The following CAMTA1 variants were observed in gnomAD, a reference collection of about 807,000 sequenced individuals.
CAMTA1 encodes calmodulin binding transcription activator 1.
CAMTA1 carries 27 observed loss-of-function variants against 170.9 expected under a neutral mutation model. That is an observed-to-expected ratio of 0.16 (90% confidence interval 0.12 to 0.22). The LOEUF (loss-of-function observed/expected upper bound fraction) is 0.22. Among genes scored for constraint, CAMTA1 ranks in the 10% least tolerant of loss-of-function variants. The probability of loss-of-function intolerance (pLI) is 1.00; values close to 1 mark genes in which losing one functional copy is unlikely to be tolerated. For synonymous variants in CAMTA1, 833 were observed against 891.5 expected (o/e 0.93, Z 1.17); for missense variants, 1,619 against 2,217.2 (o/e 0.73, Z 5.42).
In CAMTA1 at chr1:7,203,287, G is replaced by C. The variant is rs766088976; in HGVS notation, c.303-46204G>C. ...AGGATTTTTTTATCCATACCCATAA[G>C]AGATATTGGTGAATAATTTTCTTAT... On this transcript the variant is annotated intron_variant, in intron 4 of 22. Transcript: ENST00000303635. 8.3e-4 allele frequency among the ~76,000 whole-genome samples: 126 copies of C among 152,234 alleles called. No homozygotes were observed. In the Middle Eastern group the frequency reaches 0.014, roughly 16 times the overall value.
rs887969551 is a variant in CAMTA1 at position 7,090,813 on chromosome 1, G to A, written c.235-491G>A. 6.6e-5 allele frequency among the ~76,000 whole-genome samples: 10 copies of A among 152,212 alleles called. 1 individual carries two copies. Among genetic ancestry groups the A allele is most frequent in the East Asian group, 5.8e-4 (3 of 5,190 alleles). On this transcript the variant is annotated intron_variant, in intron 3 of 22. Transcript: ENST00000303635. ...TTCCTCTCTGGAATATGGCTTTATC[G>A]TGTCTTTTCTTTTTAATCTTTGTGT...
Position 7,216,807 on chromosome 1 carries a change from T to C in CAMTA1, c.303-32684T>C, listed in dbSNP as rs1269587852. 1.3e-5 allele frequency among the ~76,000 whole-genome samples: 2 copies of C among 152,194 alleles called. No homozygotes were observed. Among genetic ancestry groups the C allele is most frequent in the Admixed American group, 1.3e-4 (2 of 15,282 alleles). On this transcript the variant is annotated intron_variant, in intron 4 of 22. Coordinates refer to ENST00000303635, the MANE Select transcript of CAMTA1 (RefSeq NM_015215.4). The surrounding 1 kb of genome is among the most constrained non-coding windows in gnomAD (Gnocchi z 4.0). ...TGTGAGCCATCAAACCTGGCCTATA[T>C]TTCCTACAATTTCCTCTCCTGTAAA...
chr1:7,410,044 G>T (rs970506820), intron 5 of CAMTA1, among the ~76,000 whole-genome samples: 1 of 152,224 alleles, frequency 6.6e-6, no homozygotes, highest in Admixed American at 6.5e-5. Context: ...GGGCCAGTAG[G>T]TTTGTGTTTC....
At chr1:6,857,832 A>C (rs1663021555) in intron 3 of CAMTA1, among the ~76,000 whole-genome samples, 1 of 152,228 alleles carries the variant, frequency 6.6e-6, no homozygotes, top group Non-Finnish European at 1.5e-5. Flanking sequence ...GTAAAAAGAA[A>C]AAAAAAGCCT....
chr1:7,352,826 A>G (rs1272289489), intron 5 of CAMTA1, among the ~76,000 whole-genome samples: 2 of 152,232 alleles, frequency 1.3e-5, no homozygotes, highest in Non-Finnish European at 2.9e-5. Flanking sequence ...GACTCTTGGC[A>G]AGGCCCGGAT....
intron 4 of CAMTA1, among the ~76,000 whole-genome samples, chr1:7,106,080 T>A (rs1237025331): frequency 6.6e-6 from 1 of 152,198 alleles, no homozygotes; most frequent in Non-Finnish European, 1.5e-5. Context: ...TAGACCTGGT[T>A]TATGTTAATT....
chr1:7,082,466 TAGATAG>T (rs1558070437), intron 3 of CAMTA1, among the ~76,000 whole-genome samples: 1 of 151,818 alleles, frequency 6.6e-6, no homozygotes, highest in Non-Finnish European at 1.5e-5. Context: ...GATAGATAGA[TAGATAG>T]ATAGATAGAT....
At chr1:6,924,857 A>G (rs1682779032) in intron 3 of CAMTA1, among the ~76,000 whole-genome samples, 1 of 152,190 alleles carries the variant, frequency 6.6e-6, no homozygotes, top group African/African-American at 2.4e-5. Context: ...TCTTGCAAAT[A>G]GTGATTTTGA....
chr1:7,493,040 CACAA>C (rs2093748931), intron 6 of CAMTA1, among the ~76,000 whole-genome samples: 1 of 147,856 alleles, frequency 6.8e-6, no homozygotes, highest in Non-Finnish European at 1.5e-5. Flanking sequence ...CACACACAAA[CACAA>C]ACCTACATAC....
intron 4 of CAMTA1, 129 bp downstream of exon 4, chr1:7,091,500 C>T (rs1036551958): frequency 1.7e-5 from 12 of 716,654 alleles, no homozygotes; most frequent in East Asian, 1.1e-4. Context: ...GGATGGCTTT[C>T]GACACTGAGG....
At chr1:6,803,317 C>T (rs926203730) in intron 1 of CAMTA1, among the ~76,000 whole-genome samples, 9 of 152,186 alleles carry the variant, frequency 5.9e-5, no homozygotes, top group African/African-American at 2.2e-4. Flanking sequence ...AGAAAACAAG[C>T]GGGGAAGAAA....
intron 4 of CAMTA1, among the ~76,000 whole-genome samples, chr1:7,121,125 C>T (rs1180903253): frequency 1.3e-5 from 2 of 152,214 alleles, no homozygotes; most frequent in Non-Finnish European, 2.9e-5. Flanking sequence ...ACCACATTAC[C>T]TGGAGGATCG....
At chr1:7,614,853 T>C (rs903811999) in intron 6 of CAMTA1, among the ~76,000 whole-genome samples, 1 of 152,180 alleles carries the variant, frequency 6.6e-6, no homozygotes, top group Non-Finnish European at 1.5e-5. Flanking sequence ...TGGCTCCATC[T>C]GCATCCACTT....
chr1:7,521,083 T>A (rs2149974056), intron 6 of CAMTA1, among the ~76,000 whole-genome samples: 1 of 152,338 alleles, frequency 6.6e-6, no homozygotes, highest in East Asian at 1.9e-4. Context: ...TGTGGTGGGC[T>A]TTTCATAAGC....
Position 7,766,585 on chromosome 1 carries a change from G to GCACA in CAMTA1, c.*98_*101dup. The GCACA allele has an allele frequency of 1.0e-6, 1 of 975,324 alleles. No homozygotes were observed. The highest frequency in any genetic ancestry group is 1.3e-5 in the South Asian group (1 of 76,536). The allele number at this position is 975,324 out of a possible 1,614,324, so 60.4% of individuals were successfully genotyped here. A position where few individuals can be genotyped will look rare whatever the true frequency, so the allele number is the denominator to read the frequency against. ...AGAGACATGCAACAACAACACACAC[G>GCACA]CACACACGCACACACACACACGTAC... On this transcript the variant is annotated 3_prime_UTR_variant, in exon 23 of 23. Transcript: ENST00000303635.
chr1:7,628,161 C>T (rs576931881), intron 6 of CAMTA1, among the ~76,000 whole-genome samples: 1 of 152,340 alleles, frequency 6.6e-6, no homozygotes, highest in African/African-American at 2.4e-5. Flanking sequence ...CTGCTCCTCG[C>T]ACCAGCTCCC....
chr1:7,385,347 C>T (rs917875979), intron 5 of CAMTA1, among the ~76,000 whole-genome samples: 7 of 152,134 alleles, frequency 4.6e-5, no homozygotes, highest in Admixed American at 1.3e-4. Flanking sequence ...CCGGTCAAAC[C>T]ACTGCAGCAA....
chr1:7,110,284 T>C (rs768484040), intron 4 of CAMTA1, among the ~76,000 whole-genome samples: 9 of 145,576 alleles, frequency 6.2e-5, no homozygotes, highest in Admixed American at 1.3e-4. Context: ...CTTCCCCCCT[T>C]TTTTTTTAAG....
At chr1:6,973,143 C>G (rs942851328) in intron 3 of CAMTA1, among the ~76,000 whole-genome samples, 1 of 152,206 alleles carries the variant, frequency 6.6e-6, no homozygotes, top group Admixed American at 6.5e-5. Flanking sequence ...TGAGCCACCA[C>G]GCCTAGCCGT....
Sources: allele counts gnomAD v4.1 joint callset (sites outside exome capture counted in the v4.1 genomes callset), GRCh38; gene constraint gnomAD v4.1.1; non-coding constraint Gnocchi (gnomAD v3.1); transcripts MANE v1.5; gene names NCBI Gene and HGNC (gene_info 2026-07-23, HGNC 2026-07-21).